The following DDHD2 variants were observed in gnomAD, a reference collection of about 807,000 sequenced individuals.
DDHD2 encodes the protein DDHD domain containing 2.
DDHD2 carries 62 observed loss-of-function variants against 91.2 expected under a neutral mutation model. That is an observed-to-expected ratio of 0.68 (90% CI 0.55 to 0.84). DDHD2 has a LOEUF of 0.84. Ranked by LOEUF, DDHD2 falls within the 40% of genes least tolerant of loss-of-function variation. The pLI, the probability that DDHD2 is intolerant of heterozygous loss-of-function variation, is 0.00. For synonymous variants in DDHD2, 271 were observed against 293.9 expected (o/e 0.92, Z 0.80); for missense variants, 740 against 846.9 (o/e 0.87, Z 1.57).
downstream of DDHD2, chr8:38,265,689 A>G (rs1807483803): frequency 6.6e-6 from 1 of 152,498 alleles, no homozygotes; most frequent in South Asian, 2.1e-4. Context: ...CAGCCTCCCA[A>G]AGTGCTGAGG....
downstream of DDHD2, chr8:38,266,006 G>T: frequency 1.4e-6 from 1 of 703,856 alleles, no homozygotes; most frequent in Non-Finnish European, 2.3e-6. Flanking sequence ...AATGTACTTA[G>T]TACAGAACCC....
chr8:38,238,396 T>G, intron 5 of DDHD2, 187 bp downstream of exon 5: 1 of 1,358,874 alleles, frequency 7.4e-7, no homozygotes, highest in Non-Finnish European at 9.5e-7. Context: ...AAAATATCTT[T>G]TAAAACATAT....
chr8:38,241,898 A>G (rs1805293356), intron 6 of DDHD2: 1 of 187,200 alleles, frequency 5.3e-6, no homozygotes, highest in South Asian at 1.1e-4. Flanking sequence ...TACTAAAAAT[A>G]CAAAAATTAG....
At chr8:38,234,345 G>A in intron 2 of DDHD2, 49 bp from the exon 3 acceptor site, 1 of 1,383,456 alleles carries the variant, frequency 7.2e-7, no homozygotes, top group Non-Finnish European at 9.8e-7. Flanking sequence ...TATGTTGGGA[G>A]ATTTATTTTG....
intron 2 of DDHD2, among the ~76,000 whole-genome samples, chr8:38,233,418 GTATC>G (rs1184750932): frequency 2.0e-5 from 3 of 151,974 alleles, no homozygotes; most frequent in African/African-American, 7.2e-5. Context: ...TTTGAAAACA[GTATC>G]TATTATTATT....
chr8:38,252,688 A>G, intron 13 of DDHD2, 34 bp from the exon 14 acceptor site: 1 of 1,455,642 alleles, frequency 6.9e-7, no homozygotes, highest in Non-Finnish European at 9.6e-7. Context: ...TGTGCTTAGC[A>G]GAGGTAAATG....
At chr8:38,267,859 T>C (rs1303197679) in intron 1 of DDHD2, 2 of 1,603,852 alleles carry the variant, frequency 1.2e-6, no homozygotes, top group Admixed American at 1.7e-5. Flanking sequence ...GGGTAAGGGC[T>C]GAGGCAGATG....
intron 1 of DDHD2, chr8:38,268,901 A>AAAT: frequency 6.4e-7 from 1 of 1,553,912 alleles, no homozygotes; most frequent in Non-Finnish European, 8.7e-7. Context: ...CTTGGTGGGG[A>AAAT]AATACTCCGC....
chr8:38,262,266 G>A lies in DDHD2; in HGVS notation c.*1693G>A, dbSNP rs1338841236. 1 of 152,160 alleles carries A rather than the reference G, an allele frequency of 6.6e-6. No homozygotes were observed. The highest frequency in any genetic ancestry group is 2.4e-5 in the African/African-American group (1 of 41,440). 9.4% of individuals were successfully genotyped at this position (152,160 alleles called of 1,614,324 possible). On this transcript the variant is annotated 3_prime_UTR_variant, in exon 18 of 18. Coordinates refer to ENST00000397166, the MANE Select transcript of DDHD2 (RefSeq NM_015214.3). ...GCCAAGTTGTGGTCTTCAAATTTATGTTTACTCTTCCTATTGGCAGAATAG... is the reference window on the plus strand; with the variant it reads ...GCCAAGTTGTGGTCTTCAAATTTATATTTACTCTTCCTATTGGCAGAATAG...
intron 6 of DDHD2, chr8:38,241,929 C>T (rs1805296060): frequency 1.4e-5 from 3 of 215,046 alleles, no homozygotes; most frequent in Admixed American, 6.2e-5. Flanking sequence ...TGGTATGTGC[C>T]TGTAATCCCA....
intron 4 of DDHD2, 105 bp downstream of exon 4, chr8:38,237,732 C>A: frequency 1.6e-6 from 1 of 611,178 alleles, no homozygotes; most frequent in Middle Eastern, 2.6e-4. Flanking sequence ...TAACCTTTGT[C>A]AAATTTTATA....
At chr8:38,254,342 T>C (rs1806347372) in intron 16 of DDHD2, among the ~76,000 whole-genome samples, 1 of 152,092 alleles carries the variant, frequency 6.6e-6, no homozygotes, top group Non-Finnish European at 1.5e-5. Context: ...GCAAACCCAT[T>C]TGAAAGCATT....
At chr8:38,264,982 C>T, downstream of DDHD2, 3 of 1,502,112 alleles carry the variant, frequency 2.0e-6, no homozygotes, top group Non-Finnish European at 2.8e-6. Context: ...TTAAGAGTTG[C>T]TTCTCGCCGG....
rs916017599 is a variant in DDHD2, at chr8:38,247,716, T to G, written c.1129T>G (p.Ser377Ala). 4.0e-6 allele frequency: 6 copies of G among 1,491,450 alleles called. No individual in the cohort carries two copies. Among genetic ancestry groups the G allele is most frequent in the Non-Finnish European group, 5.4e-6 (6 of 1,113,198 alleles). 92.4% of individuals were successfully genotyped at this position (1,491,450 alleles called of 1,614,324 possible). ...AGCTTTATAATTTAATTTTTAGGAT[T>G]CGCTAAATATTGTAATGGATCAAGG... ...SLGDIDSEKD[S>A]LNIVMDQGDT... Residue 377 changes from serine (S) to alanine (A), a missense_variant, in exon 10 of 18, where the codon TCG (serine) becomes GCG (alanine). Ser to Ala is a moderately conservative substitution (Grantham distance 99, BLOSUM62 1). This residue lies in a region of DDHD2 where 693 missense variants were observed against 764.2 expected (regional missense o/e 0.91). Transcript: ENST00000397166.
At position 38,262,271 on chromosome 8, in the gene DDHD2, C is replaced by G. The variant is rs1395461390; in HGVS notation, c.*1698C>G. ...GTTGTGGTCTTCAAATTTATGTTTA[C>G]TCTTCCTATTGGCAGAATAGGTGCT... On this transcript the variant is annotated 3_prime_UTR_variant, in exon 18 of 18. Transcript: ENST00000397166. 6.6e-6 allele frequency: 1 copy of G among 152,154 alleles called. No homozygotes were observed. Among genetic ancestry groups the G allele is most frequent in the East Asian group, 1.9e-4 (1 of 5,202 alleles). The allele number at this position is 152,154 out of a possible 1,614,324, so 9.4% of individuals were successfully genotyped here.
downstream of DDHD2, chr8:38,265,032 G>T: frequency 1.1e-6 from 1 of 931,602 alleles, no homozygotes; most frequent in South Asian, 1.3e-5. Context: ...ACTTTGGGAG[G>T]ACCAGGCAGA....
chr8:38,267,325 T>C (rs1807788926), downstream of DDHD2: 2 of 1,613,914 alleles, frequency 1.2e-6, no homozygotes, highest in Admixed American at 1.7e-5. Context: ...CCTTATCCCC[T>C]GTACACATCA....
chr8:38,242,598 AT>A (rs763388102), intron 7 of DDHD2, among the ~76,000 whole-genome samples: 7 of 152,150 alleles, frequency 4.6e-5, no homozygotes, highest in Non-Finnish European at 8.8e-5. Context: ...GCTCACTAGT[AT>A]TTACTGTTAC....
intron 6 of DDHD2, among the ~76,000 whole-genome samples, chr8:38,240,706 G>A (rs1585715232): frequency 6.6e-6 from 1 of 152,276 alleles, no homozygotes; most frequent in African/African-American, 2.4e-5. Context: ...AATCATTTTT[G>A]TAATTCATAC....
Sources: allele counts gnomAD v4.1 joint callset (sites outside exome capture counted in the v4.1 genomes callset), GRCh38; gene constraint gnomAD v4.1.1; regional missense constraint gnomAD v4.1.1; transcripts MANE v1.5; gene names NCBI Gene and HGNC (gene_info 2026-07-23, HGNC 2026-07-21).